Variants in MAD1L1 observed in about 807,000 individuals in gnomAD.
MAD1L1 encodes the protein mitotic arrest deficient 1 like 1.
Under a neutral mutation model 96.9 loss-of-function variants are expected in MAD1L1, and 95 were observed. The observed-to-expected ratio is 0.98, with a 90% CI of 0.83 to 1.16. The LOEUF (loss-of-function observed/expected upper bound fraction) is 1.16. Ranked by LOEUF, MAD1L1 falls within the 50% of genes most tolerant of loss-of-function variation. The pLI, the probability that MAD1L1 is intolerant of heterozygous loss-of-function variation, is 0.00. For missense variants in MAD1L1, 1,007 were observed against 954.4 expected (o/e 1.06, Z -0.73); for synonymous variants, 473 against 396.6 (o/e 1.19, Z -2.29).
At chr7:1,896,341 A>G (rs965684554) in intron 18 of MAD1L1, among the ~76,000 whole-genome samples, 1 of 152,012 alleles carries the variant, frequency 6.6e-6, no homozygotes, top group Non-Finnish European at 1.5e-5. Context: ...GGGCCGGGGG[A>G]GCTGAGATGC....
At chr7:1,967,878 T>C (rs779112017) in intron 15 of MAD1L1, among the ~76,000 whole-genome samples, 1 of 147,958 alleles carries the variant, frequency 6.8e-6, no homozygotes, top group Admixed American at 6.6e-5. Flanking sequence ...TTCCGGTGCG[T>C]GCACCAGATC....
At chr7:1,937,376 G>T (rs959582568) in intron 16 of MAD1L1, among the ~76,000 whole-genome samples, 2 of 152,210 alleles carry the variant, frequency 1.3e-5, no homozygotes, top group Non-Finnish European at 2.9e-5. Context: ...GAAGGCAAGG[G>T]AGCCTGGCAT....
At chr7:2,071,772 T>C (rs58797835) in intron 11 of MAD1L1, among the ~76,000 whole-genome samples, 2,792 of 151,830 alleles carry the variant, frequency 0.018, 83 homozygotes, top group African/African-American at 0.064. Context: ...TGGAGGGTGG[T>C]GGCCTCCATC....
chr7:1,903,616 T>G lies in MAD1L1; in HGVS notation c.1808-5226A>C, dbSNP rs557727286. On this transcript the variant is annotated intron_variant, in intron 17 of 18. Coordinates refer to ENST00000265854, the MANE Select transcript of MAD1L1 (RefSeq NM_001013836.2). The stretch of plus-strand genomic sequence containing the variant: ...CGCAGTGGCCTATTGAAGAAGCTCT[T>G]GCAGAACTCATGATTGATGAAGCAC... Among the ~76,000 whole-genome samples, 6 of 144,612 alleles carry G rather than the reference T, an allele frequency of 4.1e-5. No homozygotes were observed. In the South Asian group the frequency reaches 1.3e-3, roughly 32 times the overall value. 94.9% of individuals were successfully genotyped at this position (144,612 alleles called of 152,430 possible).
At chr7:2,112,219 G>A (rs1159098632) in intron 11 of MAD1L1, among the ~76,000 whole-genome samples, 1 of 152,120 alleles carries the variant, frequency 6.6e-6, no homozygotes, top group East Asian at 1.9e-4. Context: ...GGAGTCTGGG[G>A]TGGTGGGGCC....
At chr7:1,863,029 T>C (rs533771458) in intron 18 of MAD1L1, among the ~76,000 whole-genome samples, 13 of 152,282 alleles carry the variant, frequency 8.5e-5, no homozygotes, top group African/African-American at 1.2e-4. Context: ...TGGTTGCTGA[T>C]TGTGGGGCCG....
chr7:1,996,652 T>C lies in MAD1L1; in HGVS notation c.1416+5413A>G, dbSNP rs553353100. On this transcript the variant is annotated intron_variant, in intron 14 of 18. Coordinates refer to ENST00000265854, the MANE Select transcript of MAD1L1 (RefSeq NM_001013836.2). ...GGACGGGAAGCAGCCTGTCCGGGCC[T>C]CAGTGCTGCTGTAGCCACGGCCCTT... Among the ~76,000 whole-genome samples, 4 of 152,352 alleles carry C rather than the reference T, an allele frequency of 2.6e-5. No homozygotes were observed. The South Asian group carries it at 8.3e-4, about 32-fold the overall frequency.
At chr7:1,953,421 CG>C (rs1554305078) in intron 16 of MAD1L1, among the ~76,000 whole-genome samples, 1 of 152,168 alleles carries the variant, frequency 6.6e-6, no homozygotes, top group Non-Finnish European at 1.5e-5. Context: ...GCAGGTGGGG[CG>C]GGGAGGGAGC....
intron 11 of MAD1L1, among the ~76,000 whole-genome samples, chr7:2,133,306 G>C (rs931353736): frequency 3.9e-5 from 6 of 152,068 alleles, no homozygotes; most frequent in African/African-American, 1.2e-4. Flanking sequence ...TTTCAATGCT[G>C]AGCATCTCCG....
chr7:1,873,452 G>C (rs920322302), intron 18 of MAD1L1, among the ~76,000 whole-genome samples: 6 of 151,986 alleles, frequency 3.9e-5, no homozygotes, highest in Non-Finnish European at 8.8e-5. Context: ...GGGCGGTGGG[G>C]AGGGGCAGGT....
chr7:1,969,476 A>C (rs926899382), intron 15 of MAD1L1, among the ~76,000 whole-genome samples: 6 of 152,232 alleles, frequency 3.9e-5, no homozygotes, highest in African/African-American at 1.4e-4. Flanking sequence ...ATCAGGAACA[A>C]GACAAGAATG....
chr7:2,222,537 G>A (rs774600396), intron 5 of MAD1L1, 38 bp downstream of exon 5: 31 of 1,506,972 alleles, frequency 2.1e-5, no homozygotes, highest in Middle Eastern at 1.8e-4. Flanking sequence ...CCCTCTCCTC[G>A]GGAAAACAGC....
At chr7:2,099,711 G>A (rs1035198399) in intron 11 of MAD1L1, among the ~76,000 whole-genome samples, 2 of 152,172 alleles carry the variant, frequency 1.3e-5, no homozygotes, top group African/African-American at 2.4e-5. Context: ...ACTCCTACCC[G>A]AGACCCAGGA....
At chr7:1,899,613 C>T (rs565119316) in intron 17 of MAD1L1, among the ~76,000 whole-genome samples, 6 of 152,100 alleles carry the variant, frequency 3.9e-5, no homozygotes, top group Non-Finnish European at 8.8e-5. Flanking sequence ...AGGCAGCGCC[C>T]GGGGGGAGGC....
chr7:2,115,401 G>T (rs55961550), intron 11 of MAD1L1, among the ~76,000 whole-genome samples: 1 of 148,176 alleles, frequency 6.7e-6, no homozygotes, highest in African/African-American at 2.5e-5. Context: ...CGGTGGACAG[G>T]GTCCCCACGT....
At chr7:2,106,249 G>A (rs567227838) in intron 11 of MAD1L1, among the ~76,000 whole-genome samples, 1 of 152,220 alleles carries the variant, frequency 6.6e-6, no homozygotes, top group East Asian at 1.9e-4. Context: ...TGCGTGAAAG[G>A]TGCGAGCACG....
chr7:2,152,865 C>T (rs1256592834), intron 10 of MAD1L1, among the ~76,000 whole-genome samples: 2 of 151,988 alleles, frequency 1.3e-5, no homozygotes, highest in Non-Finnish European at 2.9e-5. Flanking sequence ...ATTGGGAGGC[C>T]GGGAGAGGAC....
rs774615413 is a variant in MAD1L1, at chr7:2,216,214, C to A, written c.752G>T (p.Arg251Leu). ...CAGCTCCCGTTCCAGCCTAGGGAGC[C>A]GTACCAGCTCAGACTTCATGTTCTT... The part of the protein sequence containing the change: ...IVKNMKSELV[R>L]LPRLERELKQ... Residue 251 changes from arginine to leucine, a missense_variant, in exon 8 of 19, where the codon CGG becomes CTG. By Grantham distance (102) the Arg-to-Leu change is moderately radical. Coordinates refer to ENST00000265854, the MANE Select transcript of MAD1L1 (RefSeq NM_001013836.2). 8.1e-6 allele frequency: 13 copies of A among 1,614,122 alleles called. No individual in the cohort carries two copies. In the East Asian group the frequency reaches 2.9e-4, roughly 36 times the overall value.
At chr7:2,124,551 G>GC (rs1320699027) in intron 11 of MAD1L1, among the ~76,000 whole-genome samples, 1 of 152,190 alleles carries the variant, frequency 6.6e-6, no homozygotes, top group Non-Finnish European at 1.5e-5. Context: ...GAGGCAGACT[G>GC]CCCAGGGGTG....
Sources: allele counts gnomAD v4.1 joint callset (sites outside exome capture counted in the v4.1 genomes callset), GRCh38; gene constraint gnomAD v4.1.1; transcripts MANE v1.5; gene names NCBI Gene and HGNC (gene_info 2026-07-23, HGNC 2026-07-21).